ZNF217: variants seen among roughly 807,000 people sequenced by gnomAD.
The protein encoded by ZNF217 is zinc finger protein 217.
In ZNF217, 12 loss-of-function variants were observed where a neutral mutation model predicts 73.3. The observed-to-expected ratio is 0.16, with a 90% confidence interval of 0.10 to 0.27. The LOEUF is 0.27. Ranked by LOEUF, ZNF217 falls within the 10% of genes least tolerant of loss-of-function variation. ZNF217 has a pLI of 1.00. For synonymous variants in ZNF217, 588 were observed against 516.4 expected, an observed-to-expected ratio of 1.14 and a Z score of -1.88; for missense variants, 1,195 against 1,327.8, an observed-to-expected ratio of 0.90 and a Z score of 1.55.
Position 53,582,146 on chromosome 20 carries a change from A to G in ZNF217, c.681T>C (p.Asn227=), listed in dbSNP as rs770531594. Residue 227 remains asparagine (N), a synonymous_variant, in exon 2 of 6, where the codon AAT becomes AAC. Coordinates refer to ENST00000371471, the MANE Select transcript of ZNF217 (RefSeq NM_006526.3). The surrounding 1 kb of genome is among the most constrained non-coding windows in gnomAD (Gnocchi z 4.8). ...ICMVCGFLFP[N]KESLIEHRKV... is the part of the protein sequence containing the mutation. ...TGCGGTGCTCAATTAGACTTTCTTT[A>G]TTTGGAAATAGGAAGCCACAAACCA... 6.2e-7 allele frequency: 1 copy of G among 1,614,170 alleles called. No homozygotes were observed.
chr20:53,588,594 CTATA>C (rs61379629), intron 1 of ZNF217, among the ~76,000 whole-genome samples: 9,014 of 148,062 alleles, frequency 0.061, 322 homozygotes, highest in Non-Finnish European at 0.09. Context: ...ACACATCTAT[CTATA>C]TATATATATA....
At chr20:53,575,573 G>A (rs1600715918) in intron 4 of ZNF217, 154 bp downstream of exon 4, 3 of 667,050 alleles carry the variant, frequency 4.5e-6, no homozygotes, top group East Asian at 5.5e-5. Flanking sequence ...ACAAACCACT[G>A]CCGTATCTAA....
At position 53,576,722 on chromosome 20, in the gene ZNF217, T is replaced by A. The variant is rs1988289637; in HGVS notation, c.2042A>T (p.Asp681Val). 6.2e-7 allele frequency: 1 copy of A among 1,614,180 alleles called. No homozygotes were observed. Among genetic ancestry groups the A allele is most frequent in the East Asian group, 2.2e-5 (1 of 44,882 alleles). Residue 681 changes from aspartate (D) to valine (V), a missense_variant, in exon 4 of 6, where the codon GAT (aspartate) becomes GTT (valine). Coordinates refer to ENST00000371471, the MANE Select transcript of ZNF217 (RefSeq NM_006526.3). ...TAAATTTAAAGGTTTTTCGTGACAATCCACACTTGGCCTGTATCTGCAGTC... is the reference window on the plus strand; with the variant it reads ...TAAATTTAAAGGTTTTTCGTGACAAACCACACTTGGCCTGTATCTGCAGTC... ...AADCRYRPSV[D>V]CHEKPLNLSV...
At chr20:53,583,631 T>C (rs193175408) in intron 1 of ZNF217, among the ~76,000 whole-genome samples, 4 of 152,372 alleles carry the variant, frequency 2.6e-5, no homozygotes, top group Non-Finnish European at 2.9e-5. Context: ...TTGTTTCATA[T>C]ACAAACAAAT....
intron 1 of ZNF217, among the ~76,000 whole-genome samples, chr20:53,584,396 G>C (rs569976011): frequency 1.3e-5 from 2 of 152,196 alleles, no homozygotes; most frequent in African/African-American, 4.8e-5. Context: ...TTTACACTCC[G>C]AAATAGAAAT....
rs1033157348 is a variant in ZNF217 at position 53,582,969 on chromosome 20, C to T, written c.-143G>A. The T allele has an allele frequency of 2.3e-5, 20 of 859,236 alleles. No homozygotes were observed. Among genetic ancestry groups the T allele is most frequent in the Admixed American group, 3.1e-5 (1 of 32,006 alleles). 53.2% of individuals were successfully genotyped at this position (859,236 alleles called of 1,614,324 possible). On this transcript the variant is annotated 5_prime_UTR_variant, in exon 2 of 6. Coordinates refer to ENST00000371471, the MANE Select transcript of ZNF217 (RefSeq NM_006526.3). The surrounding 1 kb of genome is among the most constrained non-coding windows in gnomAD (Gnocchi z 4.8). ...AAAGTTCAAAAGAAAGTGTATAGTC[C>T]TCTAACTTCTTCGAACTTTTAGGAA...
At chr20:53,596,738 G>A (rs937114450), upstream of ZNF217, among the ~76,000 whole-genome samples, 1 of 151,838 alleles carries the variant, frequency 6.6e-6, no homozygotes, top group Non-Finnish European at 1.5e-5. Context: ...ATCCAGCTTC[G>A]CCATCACTCC....
intron 5 of ZNF217, 26 bp from the exon 6 acceptor site, chr20:53,569,290 G>A: frequency 1.3e-5 from 17 of 1,279,852 alleles, no homozygotes; most frequent in Non-Finnish European, 1.7e-5. Flanking sequence ...TTTTTTAAAT[G>A]ATTAAGATCA....
intron 1 of ZNF217, among the ~76,000 whole-genome samples, chr20:53,584,660 T>C (rs1489782630): frequency 2.0e-5 from 3 of 152,236 alleles, no homozygotes; most frequent in Admixed American, 6.5e-5. Context: ...CTTTCTATTA[T>C]CTATTTAACG....
At chr20:53,580,729 A>G (rs1410568056) in intron 2 of ZNF217, among the ~76,000 whole-genome samples, 1 of 152,196 alleles carries the variant, frequency 6.6e-6, no homozygotes, top group African/African-American at 2.4e-5. Context: ...TTTATGACAA[A>G]TCATTTGGGT....
chr20:53,581,687 G>A lies in ZNF217; in HGVS notation c.1140C>T (p.Cys380=), dbSNP rs749022992. ...SKEKPTHCSE[C]GKAFRTYHQL... The stretch of plus-strand genomic sequence containing the variant: ...GGTGGTAGGTTCTGAAAGCTTTGCC[G>A]CACTCGGAGCAGTGAGTGGGCTTCT... Residue 380 remains cysteine (C), a synonymous_variant, in exon 2 of 6, where the codon TGC becomes TGT. Coordinates refer to ENST00000371471, the MANE Select transcript of ZNF217 (RefSeq NM_006526.3). This position sits in a 1 kb window ranked among gnomAD's most constrained non-coding sequence, Gnocchi z 4.9. 1.4e-5 allele frequency: 22 copies of A among 1,614,112 alleles called. No homozygotes were observed. Among genetic ancestry groups the A allele is most frequent in the South Asian group, 4.4e-5 (4 of 91,094 alleles).
Position 53,581,399 on chromosome 20 carries a change from G to A in ZNF217, c.1366+62C>T. 3 of 1,525,758 alleles carry A rather than the reference G, an allele frequency of 2.0e-6. No homozygotes were observed. The highest frequency in any genetic ancestry group is 2.6e-6 in the Non-Finnish European group (3 of 1,139,546). 94.5% of individuals were successfully genotyped at this position (1,525,758 alleles called of 1,614,324 possible). ...TTGTCTGGAGATGGGAATAGAGAGG[G>A]GGAGACGGGGAGACAGACAGACACA... is the stretch of plus-strand genomic sequence containing the variant. On this transcript the variant is annotated intron_variant, in intron 2 of 5. Coordinates refer to ENST00000371471, the MANE Select transcript of ZNF217 (RefSeq NM_006526.3). The surrounding 1 kb of genome is among the most constrained non-coding windows in gnomAD (Gnocchi z 4.9).
chr20:53,592,869 C>T (rs958910437), intron 1 of ZNF217, among the ~76,000 whole-genome samples: 7 of 150,982 alleles, frequency 4.6e-5, no homozygotes, highest in African/African-American at 1.2e-4. Context: ...AAAAAAAAAG[C>T]AGCAGCACTT....
rs1282898961 is a variant in ZNF217 at position 53,576,404 on chromosome 20, A to G, written c.2360T>C (p.Leu787Pro). 6.2e-7 allele frequency: 1 copy of G among 1,614,184 alleles called. No individual in the cohort carries two copies. The highest frequency in any genetic ancestry group is 8.5e-7 in the Non-Finnish European group (1 of 1,180,016). Residue 787 changes from leucine (L) to proline (P), a missense_variant, in exon 4 of 6, where the codon CTG (leucine) becomes CCG (proline). Around this residue, in one of 9 missense-constraint regions of ZNF217, gnomAD observed 649 missense variants for 642.8 expected, o/e 1.01. Transcript: ENST00000371471. ...KSAFPAQSKSLPSAKGKQSPP... is the reference protein window; with the variant it reads ...KSAFPAQSKSPPSAKGKQSPP... Reference sequence around the variant, plus strand: ...GCTCTGCTTCCCCTTCGCAGATGGCAGGGATTTGGACTGCGCCGGGAAAGC... The same window carrying G: ...GCTCTGCTTCCCCTTCGCAGATGGCGGGGATTTGGACTGCGCCGGGAAAGC...
chr20:53,571,698 T>TAAA, intron 5 of ZNF217, 23 bp downstream of exon 5: 1 of 1,603,144 alleles, frequency 6.2e-7, no homozygotes, highest in Non-Finnish European at 8.5e-7. Flanking sequence ...AATCCAGTGT[T>TAAA]TTTAATTGAA....
chr20:53,579,062 C>T (rs975481081), intron 2 of ZNF217, among the ~76,000 whole-genome samples: 2 of 152,224 alleles, frequency 1.3e-5, no homozygotes, highest in East Asian at 3.8e-4. Context: ...GTATTGTCCA[C>T]AAACACTCAT....
Position 53,576,151 on chromosome 20 carries a change from G to T in ZNF217, c.2613C>A (p.Pro871=), listed in dbSNP as rs35556360. The T allele has an allele frequency of 2.3e-3, 3,655 of 1,614,226 alleles. 62 individuals are homozygous for T. In the African/African-American group the frequency reaches 0.039, roughly 17 times the overall value. The change falls in exon 4 of 6, where the codon CCC becomes CCA. Residue 871 remains proline, a synonymous_variant. Coordinates refer to ENST00000371471, the MANE Select transcript of ZNF217 (RefSeq NM_006526.3). ...CATTGATGTTACTGCTGCCGAGGGT[G>T]GGCTGAGAAGGAGCTACTGGAAGAG... is the stretch of plus-strand genomic sequence containing the variant. ...LKPLPVAPSQ[P]TLGSSNINGS...
rs958190584 is a variant in ZNF217, at chr20:53,567,813, C to T, written c.*1475G>A. The T allele has an allele frequency of 7.9e-5, 12 of 152,160 alleles. No homozygotes were observed. The highest frequency in any genetic ancestry group is 2.9e-4 in the African/African-American group (12 of 41,250). 9.4% of individuals were successfully genotyped at this position (152,160 alleles called of 1,614,324 possible). On this transcript the variant is annotated 3_prime_UTR_variant, in exon 6 of 6. Transcript: ENST00000371471. Reference sequence around the variant, plus strand: ...GAGCTAAGACTTCTATCAAGGAGGACATCTTACGTTGCATAATTTAAAAAA... The same window carrying T: ...GAGCTAAGACTTCTATCAAGGAGGATATCTTACGTTGCATAATTTAAAAAA...
chr20:53,575,494 C>A, intron 4 of ZNF217: 1 of 443,274 alleles, frequency 2.3e-6, no homozygotes, highest in Non-Finnish European at 4.0e-6. Context: ...TAAGACTAAA[C>A]AAATCAAAAG....
Sources: allele counts gnomAD v4.1 joint callset (sites outside exome capture counted in the v4.1 genomes callset), GRCh38; gene constraint gnomAD v4.1.1; regional missense constraint gnomAD v4.1.1; non-coding constraint Gnocchi (gnomAD v3.1); transcripts MANE v1.5; gene names NCBI Gene and HGNC (gene_info 2026-07-23, HGNC 2026-07-21).